Variants in SEPTIN12 observed in about 807,000 individuals in gnomAD.
SEPTIN12 encodes the protein septin-12.
SEPTIN12 carries 42 observed loss-of-function variants against 37.7 expected under a neutral mutation model. The observed-to-expected ratio is 1.11, with a 90% CI of 0.87 to 1.44. SEPTIN12 has a LOEUF of 1.44. Ranked by LOEUF, SEPTIN12 falls within the 40% of genes most tolerant of loss-of-function variation. The pLI is 0.00. For synonymous variants in SEPTIN12, 254 were observed against 196.7 expected (o/e 1.29, Z -2.44); for missense variants, 613 against 479.2 (o/e 1.28, Z -2.61).
rs151331956 is a variant in SEPTIN12 at position 4,786,080 on chromosome 16, C to T, written c.192G>A (p.Thr64=). Reference sequence around the variant, plus strand: ...TGGACTTGAACAGCGTGTTCACCATCGTGGACTTGCCCAGCCCGCTTTGCC... The same window carrying T: ...TGGACTTGAACAGCGTGTTCACCATTGTGGACTTGCCCAGCCCGCTTTGCC... ...VVGQSGLGKS[T]MVNTLFKSKV... is the part of the protein sequence containing the mutation. The change falls in exon 3 of 10, where the codon ACG becomes ACA. Residue 64 remains threonine (T), a synonymous_variant. Transcript: ENST00000268231. 21 of 1,612,582 alleles carry T rather than the reference C, an allele frequency of 1.3e-5. No individual in the cohort carries two copies. The highest frequency in any genetic ancestry group is 5.0e-5 in the Admixed American group (3 of 59,896).
chr16:4,784,554 G>A (rs1014730018), intron 4 of SEPTIN12, among the ~76,000 whole-genome samples: 1 of 128,160 alleles, frequency 7.8e-6, no homozygotes, highest in Non-Finnish European at 1.8e-5. Context: ...AGGATCGCTC[G>A]AGCCCAGGAA....
intron 7 of SEPTIN12, 54 bp from the exon 8 acceptor site, chr16:4,779,840 GAAGAA>G (rs971550037): frequency 7.8e-6 from 10 of 1,284,598 alleles, no homozygotes; most frequent in East Asian, 4.6e-5. Flanking sequence ...GGGGAGAAGA[GAAGAA>G]AAGTCAAGGC....
chr16:4,782,032 C>A (rs943762798), intron 7 of SEPTIN12, among the ~76,000 whole-genome samples: 4 of 145,940 alleles, frequency 2.7e-5, no homozygotes, highest in Non-Finnish European at 4.5e-5. Flanking sequence ...CTCACTGCAA[C>A]CTTCACCTTC....
intron 4 of SEPTIN12, among the ~76,000 whole-genome samples, chr16:4,784,534 C>T (rs568110739): frequency 4.0e-5 from 6 of 149,176 alleles, no homozygotes; most frequent in Admixed American, 2.7e-4. Flanking sequence ...CTTTGGGAGG[C>T]GGAGGCAGGA....
chr16:4,778,039 C>T (rs1346181525), intron 9 of SEPTIN12, 41 bp from the exon 10 acceptor site: 8 of 1,612,840 alleles, frequency 5.0e-6, no homozygotes, highest in African/African-American at 1.3e-5. Context: ...GTGGTGTCCC[C>T]AGGGCCCCTC....
At chr16:4,786,292 G>A (rs1329045385) in intron 2 of SEPTIN12, among the ~76,000 whole-genome samples, 187 bp from the exon 3 acceptor site, 1 of 151,120 alleles carries the variant, frequency 6.6e-6, no homozygotes, top group African/African-American at 2.4e-5. Context: ...CTCGCACCTC[G>A]GCCTCCCTAG....
Position 4,784,939 on chromosome 16 carries a change from C to T in SEPTIN12, c.374+868G>A, listed in dbSNP as rs112594489. ...AGCCTGGCCAACATGGGGAAATCCCCGTCTCTACTAAAAATACAAAAATTG... is the reference window on the plus strand; with the variant it reads ...AGCCTGGCCAACATGGGGAAATCCCTGTCTCTACTAAAAATACAAAAATTG... On this transcript the variant is annotated intron_variant, in intron 4 of 9. Transcript: ENST00000268231. Among the ~76,000 whole-genome samples, 611 of 151,642 alleles carry T rather than the reference C, an allele frequency of 4.0e-3. 3 individuals are homozygous for T. The highest frequency in any genetic ancestry group is 7.1e-3 in the Non-Finnish European group (479 of 67,838).
At chr16:4,781,573 T>C in intron 7 of SEPTIN12, among the ~76,000 whole-genome samples, 1 of 152,112 alleles carries the variant, frequency 6.6e-6, no homozygotes, top group East Asian at 1.9e-4. Flanking sequence ...GTCTGACTGA[T>C]TTTTGTCTGA....
At chr16:4,778,659 G>A (rs1237049081) in intron 8 of SEPTIN12, among the ~76,000 whole-genome samples, 1 of 151,852 alleles carries the variant, frequency 6.6e-6, no homozygotes, top group African/African-American at 2.4e-5. Flanking sequence ...AAATTAGCCG[G>A]GTGTGGTGGT....
chr16:4,784,572 C>A (rs1003427977), intron 4 of SEPTIN12, among the ~76,000 whole-genome samples: 2 of 106,772 alleles, frequency 1.9e-5, no homozygotes, highest in Non-Finnish European at 4.4e-5. Context: ...GAATTCGAGG[C>A]TAGCCTGGGC....
At chr16:4,780,001 G>A (rs1440692051) in intron 7 of SEPTIN12, among the ~76,000 whole-genome samples, 5 of 152,016 alleles carry the variant, frequency 3.3e-5, no homozygotes, top group Non-Finnish European at 5.9e-5. Flanking sequence ...AGCACTTTAG[G>A]AGGCCGAGGT....
chr16:4,781,729 C>G (rs1217753932), intron 7 of SEPTIN12, among the ~76,000 whole-genome samples: 2 of 147,618 alleles, frequency 1.4e-5, no homozygotes, highest in Non-Finnish European at 3.0e-5. Flanking sequence ...ACTGCAATCT[C>G]CATCTCCTGG....
In SEPTIN12 at chr16:4,779,709, G is replaced by A. The variant is rs761046715; in HGVS notation, c.804C>T (p.Thr268=). 5.0e-6 allele frequency: 8 copies of A among 1,612,600 alleles called. No homozygotes were observed. In the South Asian group the frequency reaches 7.7e-5, roughly 15 times the overall value. The change falls in exon 8 of 10, where the codon ACC becomes ACT. Residue 268 remains threonine (T), a synonymous_variant. Coordinates refer to ENST00000268231, the MANE Select transcript of SEPTIN12 (RefSeq NM_144605.5). ...VNGRCVLGRK[T]KWGIIEVENM... ...ACTGACCTTCAATGATGCCCCACTT[G>A]GTCTTCCGGCCCAGGACACACCTCC...
In SEPTIN12 at chr16:4,783,940, G is replaced by C. The variant is rs781069120; in HGVS notation, c.503C>G (p.Thr168Ser). Reference sequence around the variant, plus strand: ...GGTGCAGCCCCCTCACCAGTGCCCAGTGGGTGGTACAAAGTACACGCAGCA... The same window carrying C: ...GGTGCAGCCCCCTCACCAGTGCCCACTGGGTGGTACAAAGTACACGCAGCA... ...VHCCVYFVPP[T>S]GHCLRPLDIE... Residue 168 changes from threonine to serine, a missense_variant, in exon 5 of 10, where the codon ACT (threonine) becomes AGT (serine). By Grantham distance (58) the Thr-to-Ser change is moderately conservative. Transcript: ENST00000268231. The C allele has an allele frequency of 6.2e-7, 1 of 1,614,206 alleles. No individual in the cohort carries two copies.
At chr16:4,784,400 T>G in intron 4 of SEPTIN12, 1 of 306,352 alleles carries the variant, frequency 3.3e-6, no homozygotes, top group South Asian at 4.4e-5. Flanking sequence ...GTTGCAGGGG[T>G]CTCCCTCCTC....
At chr16:4,781,095 C>T (rs922134386) in intron 7 of SEPTIN12, among the ~76,000 whole-genome samples, 1 of 151,274 alleles carries the variant, frequency 6.6e-6, no homozygotes, top group African/African-American at 2.4e-5. Flanking sequence ...CCCATCTCTA[C>T]CAAAAAGACA....
Position 4,787,492 on chromosome 16 carries a change from T to C in SEPTIN12, c.154A>G (p.Ile52Val), listed in dbSNP as rs1596259866. 1 of 1,612,892 alleles carries C rather than the reference T, an allele frequency of 6.2e-7. No individual in the cohort carries two copies. The highest frequency in any genetic ancestry group is 8.5e-7 in the Non-Finnish European group (1 of 1,179,980). Residue 52 changes from isoleucine to valine, a missense_variant, in exon 2 of 10, where the codon ATC becomes GTC. Coordinates refer to ENST00000268231, the MANE Select transcript of SEPTIN12 (RefSeq NM_144605.5). ...ACCTCTCACTCACCCACCACCATGA[T>C]GTTGAACTCAAACCCCATCTTCATA... Reference protein sequence around the residue: ...KAMKMGFEFNIMVVGQSGLGK... With the variant: ...KAMKMGFEFNVMVVGQSGLGK...
intron 7 of SEPTIN12, 49 bp downstream of exon 7, chr16:4,783,413 G>T: frequency 7.7e-7 from 1 of 1,298,560 alleles, no homozygotes; most frequent in Non-Finnish European, 1.1e-6. Flanking sequence ...TGGAAAGGAT[G>T]TGTGGGAAGG....
intron 8 of SEPTIN12, 26 bp from the exon 9 acceptor site, chr16:4,778,163 G>T (rs377031319): frequency 1.2e-6 from 2 of 1,613,708 alleles, no homozygotes; most frequent in Non-Finnish European, 1.7e-6. Flanking sequence ...CTCAGTATGG[G>T]CGCTGCTTAG....
Sources: gnomAD v4.1 joint callset for allele counts (sites outside exome capture counted in the v4.1 genomes callset) on GRCh38, gnomAD v4.1.1 for gene constraint, MANE v1.5 for transcripts, NCBI Gene and HGNC (gene_info 2026-07-23, HGNC 2026-07-21) for gene names.